The following IKZF5 variants were observed in gnomAD, a reference collection of about 807,000 sequenced individuals.
IKZF5 encodes the protein zinc finger protein Pegasus.
IKZF5 carries 4 observed loss-of-function variants against 30.7 expected under a neutral mutation model. The ratio of observed to expected loss-of-function variants is 0.13; its 90% CI spans 0.06 to 0.30. IKZF5 has a LOEUF of 0.30. IKZF5 is among the 10% of genes least tolerant of loss of function. The pLI, the probability that IKZF5 is intolerant of heterozygous loss-of-function variation, is 1.00. For missense variants in IKZF5, 348 were observed against 525.5 expected (o/e 0.66, Z 3.30); for synonymous variants, 148 against 179.6 (o/e 0.82, Z 1.41).
chr10:123,007,588 A>C (rs1849848311), intron 1 of IKZF5, among the ~76,000 whole-genome samples: 1 of 152,190 alleles, frequency 6.6e-6, no homozygotes, highest in African/African-American at 2.4e-5. Context: ...AAAGGGCTTT[A>C]AATACAAAAA....
rs1849307849 is a variant in IKZF5 at position 122,994,951 on chromosome 10, A to C, written c.317-228T>G. 2.0e-6 allele frequency: 1 copy of C among 507,592 alleles called. No homozygotes were observed. Among genetic ancestry groups the C allele is most frequent in the African/African-American group, 1.9e-5 (1 of 51,428 alleles). 31.4% of individuals were successfully genotyped at this position (507,592 alleles called of 1,614,324 possible). The stretch of plus-strand genomic sequence containing the variant: ...CTGAAATATGCATTGATGTTGTATT[A>C]GTCAATACAGTATAAAAACTGTTAT... On this transcript the variant is annotated intron_variant, in intron 4 of 4. Coordinates refer to ENST00000368886, the MANE Select transcript of IKZF5 (RefSeq NM_001372123.1). The surrounding 1 kb of genome is among the most constrained non-coding windows in gnomAD (Gnocchi z 5.6).
In IKZF5 at chr10:122,994,698, A is replaced by C; in HGVS notation, c.342T>G (p.Leu114=). ...GCTCATAAGCAGATGCAAATGGACAAAGATGACATCGATGAGGTTTTTCAC... is the reference window on the plus strand; with the variant it reads ...GCTCATAAGCAGATGCAAATGGACACAGATGACATCGATGAGGTTTTTCAC... ...HTGEKPHRCH[L]CPFASAYERH... is the part of the protein sequence containing the mutation. Residue 114 remains leucine (L), a synonymous_variant, in exon 5 of 5, where the codon CTT becomes CTG. Transcript: ENST00000368886. This position sits in a 1 kb window ranked among gnomAD's most constrained non-coding sequence, Gnocchi z 5.6. 4 of 1,608,110 alleles carry C rather than the reference A, an allele frequency of 2.5e-6. No individual in the cohort carries two copies. Among genetic ancestry groups the C allele is most frequent in the Non-Finnish European group, 3.4e-6 (4 of 1,177,652 alleles).
Position 122,993,217 on chromosome 10 carries a change from A to C in IKZF5, c.*563T>G, listed in dbSNP as rs1360226237. On this transcript the variant is annotated 3_prime_UTR_variant, in exon 5 of 5. Coordinates refer to ENST00000368886, the MANE Select transcript of IKZF5 (RefSeq NM_001372123.1). Reference sequence around the variant, plus strand: ...AACTGTTTTACATTTCCTCTTGTGGAAAAAAGAAAATTTTTACTAAACTGA... The same window carrying C: ...AACTGTTTTACATTTCCTCTTGTGGCAAAAAGAAAATTTTTACTAAACTGA... The C allele has an allele frequency of 6.6e-6, 1 of 152,594 alleles. No homozygotes were observed. The highest frequency in any genetic ancestry group is 1.5e-5 in the Non-Finnish European group (1 of 68,024). The allele number at this position is 152,594 out of a possible 1,614,324, so 9.5% of individuals were successfully genotyped here.
Position 122,992,731 on chromosome 10 carries a change from A to C in IKZF5, c.*1049T>G, listed in dbSNP as rs1849209191. On this transcript the variant is annotated 3_prime_UTR_variant, in exon 5 of 5. Transcript: ENST00000368886. ...GAATTACAATTTGAAGTCACAGAAA[A>C]TATTTTAAATGGCTAATTCTGAAGA... 6.6e-6 allele frequency: 1 copy of C among 152,248 alleles called. No individual in the cohort carries two copies. The highest frequency in any genetic ancestry group is 6.5e-5 in the Admixed American group (1 of 15,290). 9.4% of individuals were successfully genotyped at this position (152,248 alleles called of 1,614,324 possible).
At position 122,992,823 on chromosome 10, in the gene IKZF5, CAT is replaced by C. The variant is rs1338733658; in HGVS notation, c.*955_*956del. On this transcript the variant is annotated 3_prime_UTR_variant, in exon 5 of 5. Coordinates refer to ENST00000368886, the MANE Select transcript of IKZF5 (RefSeq NM_001372123.1). ...ATATGACTTCACTATCACATTCTCT[CAT>C]GTGTTTCCATACCCACCTTTTCTTG... 6.6e-6 allele frequency: 1 copy of C among 152,580 alleles called. No individual in the cohort carries two copies. Among genetic ancestry groups the C allele is most frequent in the African/African-American group, 2.4e-5 (1 of 41,444 alleles). The allele number at this position is 152,580 out of a possible 1,614,324, so 9.5% of individuals were successfully genotyped here.
intron 2 of IKZF5, among the ~76,000 whole-genome samples, chr10:123,004,629 T>TAAAAAAAA (rs34085831): frequency 1.4e-5 from 2 of 145,894 alleles, no homozygotes; most frequent in Non-Finnish European, 1.5e-5. Flanking sequence ...ATGATAAACT[T>TAAAAAAAA]AAAAAAAAAA....
rs1243515869 is a variant in IKZF5, at chr10:122,991,713, GCTCTTTAAGTCATGGCAAAATTATAATT to G, written c.*2039_*2066del. ...TCAAAACCTTTGGGATATCAACTGT[GCTCTTTAAGTCATGGCAAAATTATAATT>G]TTACATTCTAGTATGTAATTATGAA... On this transcript the variant is annotated 3_prime_UTR_variant, in exon 5 of 5. Transcript: ENST00000368886. 6.6e-6 allele frequency: 1 copy of G among 152,056 alleles called. No homozygotes were observed. Among genetic ancestry groups the G allele is most frequent in the African/African-American group, 2.4e-5 (1 of 41,398 alleles). 9.4% of individuals were successfully genotyped at this position (152,056 alleles called of 1,614,324 possible). A position where few individuals can be genotyped will look rare whatever the true frequency, so the allele number is the denominator to read the frequency against.
intron 4 of IKZF5, among the ~76,000 whole-genome samples, chr10:122,995,169 T>A (rs1849316954): frequency 6.6e-6 from 1 of 152,168 alleles, no homozygotes; most frequent in South Asian, 2.1e-4. Flanking sequence ...AAGCTTTTTT[T>A]AAAGTCCTTA....
intron 2 of IKZF5, among the ~76,000 whole-genome samples, chr10:122,998,967 T>C (rs1190934985): frequency 1.1e-4 from 16 of 152,114 alleles, no homozygotes; most frequent in African/African-American, 1.4e-4. Flanking sequence ...GCAGAGATTA[T>C]TGATGAAGAA....
intron 2 of IKZF5, among the ~76,000 whole-genome samples, chr10:123,000,458 T>A (rs767872562): frequency 2.6e-5 from 4 of 152,252 alleles, no homozygotes; most frequent in African/African-American, 9.6e-5. Flanking sequence ...AACTCATTTA[T>A]CTCTTATACT....
At position 122,994,961 on chromosome 10, in the gene IKZF5, G is replaced by A; in HGVS notation, c.317-238C>T. 4.4e-6 allele frequency: 2 copies of A among 453,736 alleles called. No individual in the cohort carries two copies. Among genetic ancestry groups the A allele is most frequent in the Admixed American group, 3.9e-5 (1 of 25,424 alleles). The allele number at this position is 453,736 out of a possible 1,614,324, so 28.1% of individuals were successfully genotyped here. ...CATTGATGTTGTATTAGTCAATACA[G>A]TATAAAAACTGTTATGGCTTCGAAT... On this transcript the variant is annotated intron_variant, in intron 4 of 4. Transcript: ENST00000368886. This position sits in a 1 kb window ranked among gnomAD's most constrained non-coding sequence, Gnocchi z 5.6.
chr10:123,002,037 C>CT (rs772930842), intron 2 of IKZF5, among the ~76,000 whole-genome samples: 87 of 152,336 alleles, frequency 5.7e-4, no homozygotes, highest in Admixed American at 3.8e-3. Flanking sequence ...TGTTTCCTGG[C>CT]TTCAGACTGA....
intron 2 of IKZF5, among the ~76,000 whole-genome samples, chr10:123,003,668 T>C (rs1003938231): frequency 1.3e-5 from 2 of 152,194 alleles, no homozygotes; most frequent in African/African-American, 4.8e-5. Flanking sequence ...ATAGAAAAAA[T>C]GGTTATAACT....
intron 2 of IKZF5, among the ~76,000 whole-genome samples, chr10:122,999,533 A>G (rs1849508338): frequency 6.6e-6 from 1 of 152,232 alleles, no homozygotes; most frequent in Non-Finnish European, 1.5e-5. Flanking sequence ...GACAATAGGC[A>G]GCCACAGACA....
chr10:123,005,535 T>G (rs1188590051), intron 2 of IKZF5, among the ~76,000 whole-genome samples: 4 of 152,210 alleles, frequency 2.6e-5, no homozygotes, highest in Admixed American at 6.5e-5. Context: ...GTGGGTGGTG[T>G]TATTACAACT....
chr10:123,007,619 G>A (rs1016007947), intron 1 of IKZF5, among the ~76,000 whole-genome samples: 2 of 152,110 alleles, frequency 1.3e-5, no homozygotes, highest in African/African-American at 4.8e-5. Context: ...ATGCACACCC[G>A]ATAAGGGCAC....
In IKZF5 at chr10:122,998,356, GA is replaced by G. The variant is rs537821925; in HGVS notation, c.133+136del. The G allele has an allele frequency of 2.2e-3, 1,470 of 673,370 alleles. 15 individuals are homozygous for G. In the African/African-American group the frequency reaches 0.024, roughly 11 times the overall value. The allele number at this position is 673,370 out of a possible 1,614,324, so 41.7% of individuals were successfully genotyped here. A position where few individuals can be genotyped will look rare whatever the true frequency, so the allele number is the denominator to read the frequency against. ...AAGTCTGATATGTTTAAAAAAGGGG[GA>G]AAAAATGCCCTGTATCTTTCTAGAA... On this transcript the variant is annotated intron_variant, in intron 3 of 4. Transcript: ENST00000368886.
intron 1 of IKZF5, among the ~76,000 whole-genome samples, chr10:123,007,833 G>C (rs919573906): frequency 6.6e-6 from 1 of 152,016 alleles, no homozygotes; most frequent in Non-Finnish European, 1.5e-5. Flanking sequence ...TAGTTCCTAC[G>C]TTTAAAAAAA....
chr10:122,997,336 TAGG>T (rs1306015140), intron 3 of IKZF5: 1 of 152,218 alleles, frequency 6.6e-6, no homozygotes, highest in Non-Finnish European at 1.5e-5. Context: ...CACTCCTCAC[TAGG>T]AGAAGTGATT....
Sources: gnomAD v4.1 joint callset for allele counts (sites outside exome capture counted in the v4.1 genomes callset) on GRCh38, gnomAD v4.1.1 for gene constraint, Gnocchi (gnomAD v3.1) non-coding constraint, MANE v1.5 for transcripts, NCBI Gene and HGNC (gene_info 2026-07-23, HGNC 2026-07-21) for gene names.